Variants in ZMAT5 observed in about 807,000 individuals in gnomAD.
ZMAT5 encodes zinc finger matrin-type protein 5.
Under a neutral mutation model 28.0 loss-of-function variants are expected in ZMAT5, and 23 were observed. The observed-to-expected ratio is 0.82, with a 90% confidence interval of 0.59 to 1.16. The LOEUF (loss-of-function observed/expected upper bound fraction) is 1.16, where lower values mean the gene tolerates loss of function less well. ZMAT5 is among the 50% of genes most tolerant of loss of function. The pLI, the probability that ZMAT5 is intolerant of heterozygous loss-of-function variation, is 0.00. For missense variants in ZMAT5, 173 were observed against 212.7 expected, an observed-to-expected ratio of 0.81 and a Z score of 1.16; for synonymous variants, 76 against 84.1, an observed-to-expected ratio of 0.90 and a Z score of 0.52.
Position 29,766,952 on chromosome 22 carries a change from G to C in ZMAT5, c.-108C>G, listed in dbSNP as rs76121038. On this transcript the variant is annotated 5_prime_UTR_variant, in exon 1 of 6. Coordinates refer to ENST00000344318, the MANE Select transcript of ZMAT5 (RefSeq NM_001003692.2). ...CTCGACGTCTCGCGGAAGGTACCTGGCTCCCCGGTGGCTGCAGCTCCGGGC... is the reference window on the plus strand; with the variant it reads ...CTCGACGTCTCGCGGAAGGTACCTGCCTCCCCGGTGGCTGCAGCTCCGGGC... 9.4e-3 allele frequency: 1,493 copies of C among 158,018 alleles called. 19 individuals carry two copies. The highest frequency in any genetic ancestry group is 0.033 in the African/African-American group (1,378 of 41,630). 9.8% of individuals were successfully genotyped at this position (158,018 alleles called of 1,614,324 possible).
intron 2 of ZMAT5, among the ~76,000 whole-genome samples, chr22:29,744,613 G>A (rs2067993142): frequency 6.6e-6 from 1 of 152,164 alleles, no homozygotes. Flanking sequence ...TGAGGCAGGC[G>A]GCGGGACTGA....
chr22:29,735,407 C>T (rs2067895016), intron 5 of ZMAT5, among the ~76,000 whole-genome samples: 1 of 152,190 alleles, frequency 6.6e-6, no homozygotes, highest in South Asian at 2.1e-4. Flanking sequence ...GGGACAATGG[C>T]CCAGAGCACA....
chr22:29,750,370 G>T (rs1439750363), intron 1 of ZMAT5, among the ~76,000 whole-genome samples: 1 of 152,194 alleles, frequency 6.6e-6, no homozygotes, highest in Non-Finnish European at 1.5e-5. Context: ...GCTTCCCAAG[G>T]AGATCACTAA....
At chr22:29,742,074 A>G (rs1401931063) in intron 3 of ZMAT5, among the ~76,000 whole-genome samples, 1 of 152,212 alleles carries the variant, frequency 6.6e-6, no homozygotes, top group Non-Finnish European at 1.5e-5. Flanking sequence ...TACTCTCTGA[A>G]GTTCTGCCTG....
At chr22:29,758,753 T>C (rs1412962733) in intron 1 of ZMAT5, 1 of 152,394 alleles carries the variant, frequency 6.6e-6, no homozygotes, top group Non-Finnish European at 1.5e-5. Context: ...TCAAAAAAAG[T>C]GGGGGGCTAG....
chr22:29,746,322 T>C (rs993190480), intron 2 of ZMAT5: 5 of 152,188 alleles, frequency 3.3e-5, no homozygotes, highest in South Asian at 2.1e-4. Flanking sequence ...CTAATGTTTG[T>C]ATTTTTAGTA....
intron 5 of ZMAT5, among the ~76,000 whole-genome samples, chr22:29,735,495 A>C (rs1462124100): frequency 1.3e-5 from 2 of 152,226 alleles, no homozygotes; most frequent in Non-Finnish European, 2.9e-5. Context: ...CCATCAGGGC[A>C]GCCTGCTGCT....
chr22:29,748,954 G>A (rs1487360776), intron 1 of ZMAT5, among the ~76,000 whole-genome samples: 4 of 152,184 alleles, frequency 2.6e-5, no homozygotes, highest in East Asian at 1.9e-4. Flanking sequence ...TGGGATTACA[G>A]GCATGAGCCA....
chr22:29,756,786 A>G (rs1284252092), intron 1 of ZMAT5, among the ~76,000 whole-genome samples: 1 of 152,116 alleles, frequency 6.6e-6, no homozygotes, highest in African/African-American at 2.4e-5. Context: ...GGTGGCGCAC[A>G]CCTTTAATCC....
intron 5 of ZMAT5, among the ~76,000 whole-genome samples, chr22:29,733,163 G>A (rs1489365569): frequency 2.6e-5 from 4 of 152,178 alleles, no homozygotes; most frequent in East Asian, 3.8e-4. Flanking sequence ...CTGCAGACAC[G>A]GCCTTCCCAC....
intron 5 of ZMAT5, 21 bp from the exon 6 acceptor site, chr22:29,731,375 G>A (rs760908476): frequency 1.2e-5 from 18 of 1,542,596 alleles, no homozygotes; most frequent in East Asian, 2.6e-5. Flanking sequence ...AGAGAGAAGC[G>A]GGGAGAATAA....
intron 1 of ZMAT5, among the ~76,000 whole-genome samples, chr22:29,766,089 A>T (rs1186546959): frequency 1.3e-5 from 2 of 152,132 alleles, no homozygotes; most frequent in Non-Finnish European, 2.9e-5. Context: ...CGAGGCAGGA[A>T]GATTGCTTGA....
chr22:29,766,123 G>A (rs1215517875), intron 1 of ZMAT5, among the ~76,000 whole-genome samples: 1 of 152,156 alleles, frequency 6.6e-6, no homozygotes, highest in Non-Finnish European at 1.5e-5. Context: ...AGACCAGCCT[G>A]GGCAACACAG....
intron 2 of ZMAT5, among the ~76,000 whole-genome samples, chr22:29,745,070 G>C (rs1335647486): frequency 6.6e-6 from 1 of 152,248 alleles, no homozygotes; most frequent in Non-Finnish European, 1.5e-5. Flanking sequence ...ACCACGCCAG[G>C]CTGAGGATTT....
chr22:29,750,590 G>A (rs1433011375), intron 1 of ZMAT5, among the ~76,000 whole-genome samples: 1 of 152,210 alleles, frequency 6.6e-6, no homozygotes, highest in Non-Finnish European at 1.5e-5. Context: ...GGTCCACTTT[G>A]GGCCACCAAG....
intron 1 of ZMAT5, among the ~76,000 whole-genome samples, chr22:29,752,843 G>A (rs551180761): frequency 3.3e-5 from 5 of 152,268 alleles, no homozygotes; most frequent in East Asian, 1.9e-4. Flanking sequence ...GCACCAAGCC[G>A]GCAATGCTTT....
intron 5 of ZMAT5, among the ~76,000 whole-genome samples, chr22:29,732,887 G>A (rs1377521772): frequency 6.6e-6 from 1 of 152,154 alleles, no homozygotes; most frequent in Non-Finnish European, 1.5e-5. Context: ...AGGGGATAGG[G>A]GTAAGGTGTA....
intron 1 of ZMAT5, among the ~76,000 whole-genome samples, chr22:29,749,201 C>T (rs186863899): frequency 6.6e-6 from 1 of 152,242 alleles, no homozygotes; most frequent in Non-Finnish European, 1.5e-5. Flanking sequence ...CCTCAGTCTC[C>T]CAAGTAGCTG....
rs1569336016 is a variant in ZMAT5 at position 29,740,745 on chromosome 22, C to CA, written c.191-16dup. ...GTCGCACTGGCCTGCAGCAGGAAGACAGAGTTACTCGCTGCTCGGGAGGGG... is the reference window on the plus strand; with the variant it reads ...GTCGCACTGGCCTGCAGCAGGAAGACAAGAGTTACTCGCTGCTCGGGAGGGG... On this transcript the variant is annotated splice_polypyrimidine_tract_variant and intron_variant, in intron 3 of 5. Coordinates refer to ENST00000344318, the MANE Select transcript of ZMAT5 (RefSeq NM_001003692.2). 6.3e-7 allele frequency: 1 copy of CA among 1,583,380 alleles called. No homozygotes were observed. The highest frequency in any genetic ancestry group is 1.8e-5 in the Admixed American group (1 of 54,526).
Sources: gnomAD v4.1 joint callset for allele counts (sites outside exome capture counted in the v4.1 genomes callset) on GRCh38, gnomAD v4.1.1 for gene constraint, MANE v1.5 for transcripts, NCBI Gene and HGNC (gene_info 2026-07-23, HGNC 2026-07-21) for gene names.